CNTN6: variants seen among roughly 807,000 people sequenced by gnomAD.
CNTN6 encodes contactin 6.
A neutral mutation model predicts 122.8 loss-of-function variants in CNTN6; 137 were observed. The ratio of observed to expected loss-of-function variants is 1.12; its 90% confidence interval spans 0.97 to 1.29. CNTN6 has a LOEUF of 1.29. Among genes scored for constraint, CNTN6 ranks in the 50% most tolerant of loss-of-function variants. CNTN6 has a pLI of 0.00. For synonymous variants in CNTN6, 570 were observed against 426.0 expected, an observed-to-expected ratio of 1.34 and a Z score of -4.16; for missense variants, 1,634 against 1,223.4, an observed-to-expected ratio of 1.34 and a Z score of -5.01.
At chr3:1,222,198 A>G (rs777421091) in intron 3 of CNTN6, among the ~76,000 whole-genome samples, 14 of 152,208 alleles carry the variant, frequency 9.2e-5, no homozygotes, top group Non-Finnish European at 1.9e-4. Flanking sequence ...TGTCAGGGGA[A>G]GATCCTTCAC....
rs56703431 is a variant in CNTN6 at position 1,160,344 on chromosome 3, G to GTATATA, written c.55+12300_55+12305dup. Among the ~76,000 whole-genome samples, 120 of 111,132 alleles carry GTATATA rather than the reference G, an allele frequency of 1.1e-3. 6 individuals are homozygous for GTATATA. In the South Asian group the frequency reaches 0.013, roughly 12 times the overall value. 72.9% of individuals were successfully genotyped at this position (111,132 alleles called of 152,430 possible). A position where few individuals can be genotyped will look rare whatever the true frequency, so the allele number is the denominator to read the frequency against. On this transcript the variant is annotated intron_variant, in intron 2 of 22. Transcript: ENST00000446702. ...TCTCATCACACAATTTACTTTTACT[G>GTATATA]TATATATATATATATATATATATAC...
At chr3:1,396,509 T>C (rs1252392388) in intron 20 of CNTN6, among the ~76,000 whole-genome samples, 1 of 152,178 alleles carries the variant, frequency 6.6e-6, no homozygotes, top group African/African-American at 2.4e-5. Flanking sequence ...TCTGAATGCA[T>C]TTTCTCATCT....
intron 5 of CNTN6, among the ~76,000 whole-genome samples, chr3:1,285,380 G>T (rs193079249): frequency 9.2e-5 from 14 of 152,196 alleles, no homozygotes; most frequent in Admixed American, 8.5e-4. Flanking sequence ...TTTGTTTTAG[G>T]AGATGTTAAT....
chr3:1,208,951 C>T (rs967161185), intron 2 of CNTN6, among the ~76,000 whole-genome samples: 10 of 152,052 alleles, frequency 6.6e-5, no homozygotes, highest in African/African-American at 2.2e-4. Context: ...AAAAGTTGGT[C>T]GAGTTTACTT....
intron 4 of CNTN6, among the ~76,000 whole-genome samples, chr3:1,231,922 G>A (rs2094357212): frequency 6.6e-6 from 1 of 152,132 alleles, no homozygotes; most frequent in Non-Finnish European, 1.5e-5. Context: ...ACTTGTAGCT[G>A]CTTTCAATTT....
At chr3:1,381,787 C>G (rs959057071) in intron 17 of CNTN6, among the ~76,000 whole-genome samples, 1 of 152,090 alleles carries the variant, frequency 6.6e-6, no homozygotes, top group African/African-American at 2.4e-5. Context: ...TTTGCCTGCT[C>G]TGTGTATATC....
At chr3:1,221,486 T>G (rs780326639) in intron 3 of CNTN6, among the ~76,000 whole-genome samples, 1 of 152,180 alleles carries the variant, frequency 6.6e-6, no homozygotes, top group Admixed American at 6.5e-5. Flanking sequence ...AATACTGATT[T>G]TAGAAAAATA....
intron 11 of CNTN6, among the ~76,000 whole-genome samples, chr3:1,335,136 A>C (rs1014418559): frequency 6.6e-6 from 1 of 152,128 alleles, no homozygotes; most frequent in Admixed American, 6.6e-5. Context: ...AAGTCCTTTA[A>C]CTTCACAGGT....
At chr3:1,332,641 A>G (rs565070264) in intron 11 of CNTN6, among the ~76,000 whole-genome samples, 3 of 152,128 alleles carry the variant, frequency 2.0e-5, no homozygotes, top group Admixed American at 6.6e-5. Context: ...GTGATATAGT[A>G]AAAAGATTTC....
intron 4 of CNTN6, among the ~76,000 whole-genome samples, chr3:1,256,897 T>C (rs1465974406): frequency 6.6e-6 from 1 of 152,122 alleles, no homozygotes; most frequent in Non-Finnish European, 1.5e-5. Context: ...CAGTAGATAC[T>C]GGGAAGTTGA....
chr3:1,392,000 A>G (rs997639822), intron 20 of CNTN6, among the ~76,000 whole-genome samples: 1 of 152,222 alleles, frequency 6.6e-6, no homozygotes, highest in African/African-American at 2.4e-5. Flanking sequence ...TTATAGATTT[A>G]ATGCCATCCC....
intron 5 of CNTN6, among the ~76,000 whole-genome samples, chr3:1,294,664 C>T (rs1208148902): frequency 1.3e-5 from 2 of 152,170 alleles, no homozygotes; most frequent in African/African-American, 4.8e-5. Context: ...CATGTTTATG[C>T]TCTTGATAGT....
chr3:1,375,512 T>C (rs1177470246), intron 16 of CNTN6, among the ~76,000 whole-genome samples: 1 of 152,102 alleles, frequency 6.6e-6, no homozygotes, highest in Admixed American at 6.6e-5. Flanking sequence ...GAATTTTCTA[T>C]TTCTCAGAAC....
In CNTN6 at chr3:1,209,706, G is replaced by T. The variant is rs569048964; in HGVS notation, c.56-10981G>T. Among the ~76,000 whole-genome samples the T allele has an allele frequency of 5.9e-5, 9 of 152,078 alleles. No individual in the cohort carries two copies. The South Asian group carries it at 1.7e-3, about 28-fold the overall frequency. On this transcript the variant is annotated intron_variant, in intron 2 of 22. Coordinates refer to ENST00000446702, the MANE Select transcript of CNTN6 (RefSeq NM_001289080.2). ...AGCCCTTAAATACTGAGCAACATCA[G>T]TGTCTCCAGTTGTTGGTTGGACAGG...
intron 4 of CNTN6, among the ~76,000 whole-genome samples, chr3:1,253,853 G>A (rs991207658): frequency 2.0e-5 from 3 of 152,112 alleles, no homozygotes; most frequent in Admixed American, 6.6e-5. Context: ...AGTGGTTGGG[G>A]ACTGCTGATC....
At position 1,129,363 on chromosome 3, in the gene CNTN6, C is replaced by T. The variant is rs115621849; in HGVS notation, c.-82-18564C>T. On this transcript the variant is annotated intron_variant, in intron 1 of 22. Coordinates refer to ENST00000446702, the MANE Select transcript of CNTN6 (RefSeq NM_001289080.2). ...ATCTGGGTAATCCTCCATTCCCAGG[C>T]GACTTGAGAAATTTGATCCCGTTGG... Among the ~76,000 whole-genome samples the T allele has an allele frequency of 9.7e-4, 147 of 152,058 alleles. 1 individual carries two copies. Among genetic ancestry groups the T allele is most frequent in the Middle Eastern group, 3.4e-3 (1 of 294 alleles).
chr3:1,230,257 T>A (rs562436183), intron 4 of CNTN6, among the ~76,000 whole-genome samples: 2 of 152,190 alleles, frequency 1.3e-5, no homozygotes, highest in Non-Finnish European at 1.5e-5. Flanking sequence ...AAATATCTAG[T>A]GGTATGAAAT....
chr3:1,264,620 A>C (rs2094898208), intron 4 of CNTN6, among the ~76,000 whole-genome samples: 2 of 152,026 alleles, frequency 1.3e-5, no homozygotes, highest in Non-Finnish European at 2.9e-5. Flanking sequence ...TATAGGGTAA[A>C]ATGTGGTATT....
intron 4 of CNTN6, among the ~76,000 whole-genome samples, chr3:1,241,014 C>G (rs2094476169): frequency 6.6e-6 from 1 of 151,686 alleles, no homozygotes; most frequent in Non-Finnish European, 1.5e-5. Flanking sequence ...AAAGAACCTT[C>G]TTAAGGGTGG....
Sources: allele counts gnomAD v4.1 joint callset (sites outside exome capture counted in the v4.1 genomes callset), GRCh38; gene constraint gnomAD v4.1.1; transcripts MANE v1.5; gene names NCBI Gene and HGNC (gene_info 2026-07-23, HGNC 2026-07-21).